Variants in ASB15 observed in about 807,000 individuals in gnomAD.
ASB15 encodes ankyrin repeat and SOCS box protein 15.
ASB15 carries 54 observed loss-of-function variants against 58.0 expected under a neutral mutation model. The observed-to-expected ratio is 0.93, with a 90% CI of 0.75 to 1.17. ASB15 has a LOEUF of 1.17. ASB15 is among the 50% of genes most tolerant of loss of function. The pLI is 0.00. For synonymous variants in ASB15, 249 were observed against 262.4 expected, an observed-to-expected ratio of 0.95 and a Z score of 0.50; for missense variants, 680 against 707.4, an observed-to-expected ratio of 0.96 and a Z score of 0.44.
intron 1 of ASB15, among the ~76,000 whole-genome samples, chr7:123,582,481 A>G (rs1461497042): frequency 1.3e-5 from 2 of 152,010 alleles, no homozygotes; most frequent in East Asian, 3.9e-4. Flanking sequence ...CAGTATATAC[A>G]TATATCCTAC....
chr7:123,608,836 A>C (rs183379920), intron 3 of ASB15, among the ~76,000 whole-genome samples, 182 bp downstream of exon 3: 4 of 152,308 alleles, frequency 2.6e-5, no homozygotes, highest in African/African-American at 9.6e-5. Context: ...CCAAATAAAA[A>C]GCAAAGTTAT....
chr7:123,594,185 T>C (rs765781743), intron 1 of ASB15, among the ~76,000 whole-genome samples: 1 of 152,104 alleles, frequency 6.6e-6, no homozygotes, highest in African/African-American at 2.4e-5. Context: ...TCCTCTAACC[T>C]TTTTTCAAGG....
rs1476253619 is a variant in ASB15 at position 123,629,329 on chromosome 7, C to A, written c.1335C>A (p.Cys445Ter). ...LLNNGYQVEM[C>*]FDCMHGDIFG... is the part of the protein sequence containing the mutation. Reference sequence around the variant, plus strand: ...ATAATGGCTATCAAGTGGAGATGTGCTTTGACTGCATGCATGGTGACATCT... The same window carrying A: ...ATAATGGCTATCAAGTGGAGATGTGATTTGACTGCATGCATGGTGACATCT... The change falls in exon 10 of 12, where the codon TGC (cysteine) becomes TGA (stop). Residue 445 changes from cysteine to a stop codon, truncating the protein, a stop_gained. Transcript: ENST00000451215. LOFTEE classifies it high-confidence loss of function. 6.2e-7 allele frequency: 1 copy of A among 1,613,870 alleles called. No homozygotes were observed. Among genetic ancestry groups the A allele is most frequent in the African/African-American group, 1.3e-5 (1 of 74,906 alleles).
intron 6 of ASB15, 59 bp from the exon 7 acceptor site, chr7:123,617,520 G>C: frequency 1.4e-6 from 2 of 1,434,790 alleles, no homozygotes; most frequent in Non-Finnish European, 1.9e-6. Flanking sequence ...GCTCTGATTT[G>C]TGTAATATCC....
intron 7 of ASB15, chr7:123,622,780 T>C (rs777201150): frequency 6.6e-6 from 1 of 152,180 alleles, no homozygotes; most frequent in Admixed American, 6.5e-5. Flanking sequence ...TAGCATGAGG[T>C]AATTCACTGT....
intron 10 of ASB15, 94 bp from the exon 11 acceptor site, chr7:123,629,872 T>C (rs1802027800): frequency 1.1e-6 from 1 of 896,804 alleles, no homozygotes; most frequent in Non-Finnish European, 1.7e-6. Context: ...TTATTTTCTG[T>C]AGTAAAACAG....
chr7:123,627,309 T>C (rs1801860818), intron 9 of ASB15, 28 bp downstream of exon 9: 1 of 1,573,324 alleles, frequency 6.4e-7, no homozygotes, highest in South Asian at 1.1e-5. Context: ...GGGTAATTAT[T>C]TGAGTTAAAA....
intron 1 of ASB15, among the ~76,000 whole-genome samples, chr7:123,574,109 A>T (rs1033312458): frequency 6.6e-6 from 1 of 152,128 alleles, no homozygotes; most frequent in East Asian, 1.9e-4. Context: ...TCCCCTTTGG[A>T]GTGCCACATT....
chr7:123,617,789 A>G (rs1379984476), intron 7 of ASB15, 52 bp downstream of exon 7: 1 of 1,516,234 alleles, frequency 6.6e-7, no homozygotes, highest in Non-Finnish European at 9.0e-7. Context: ...AAGAATAAGT[A>G]TTTATTGGAA....
intron 1 of ASB15, among the ~76,000 whole-genome samples, chr7:123,574,155 T>C (rs1798993257): frequency 6.6e-6 from 1 of 152,072 alleles, no homozygotes; most frequent in Admixed American, 6.5e-5. Context: ...ATTTTTGACA[T>C]CTCTTCTTTT....
At chr7:123,571,006 T>C (rs759341770) in intron 1 of ASB15, among the ~76,000 whole-genome samples, 1 of 152,216 alleles carries the variant, frequency 6.6e-6, no homozygotes, top group Non-Finnish European at 1.5e-5. Context: ...GACTAGGACA[T>C]CATTTCCTGA....
At chr7:123,614,389 G>T in intron 3 of ASB15, 112 bp from the exon 4 acceptor site, 1 of 664,578 alleles carries the variant, frequency 1.5e-6, no homozygotes, top group Non-Finnish European at 2.6e-6. Flanking sequence ...GTTAACTAGG[G>T]AAAGGAAAAT....
intron 11 of ASB15, among the ~76,000 whole-genome samples, chr7:123,632,994 G>T (rs1016046948): frequency 1.6e-4 from 24 of 152,158 alleles, no homozygotes; most frequent in African/African-American, 5.8e-4. Context: ...GTGAGGCAAG[G>T]ATGCTTACAC....
chr7:123,610,625 T>G (rs1800384514), intron 3 of ASB15, among the ~76,000 whole-genome samples: 1 of 152,170 alleles, frequency 6.6e-6, no homozygotes, highest in Non-Finnish European at 1.5e-5. Flanking sequence ...GCATGCAAAA[T>G]TTTGAGTGGA....
intron 7 of ASB15, among the ~76,000 whole-genome samples, chr7:123,618,219 C>T (rs936790976): frequency 6.6e-5 from 10 of 152,234 alleles, no homozygotes; most frequent in East Asian, 5.8e-4. Flanking sequence ...CACTGTGACA[C>T]GAGGGAAGAA....
At chr7:123,587,594 A>T (rs910908092) in intron 1 of ASB15, among the ~76,000 whole-genome samples, 11 of 151,586 alleles carry the variant, frequency 7.3e-5, no homozygotes, top group African/African-American at 2.4e-4. Flanking sequence ...AATAGAAGTG[A>T]CGAGAGAAGG....
chr7:123,592,439 T>C (rs933415358), intron 1 of ASB15, among the ~76,000 whole-genome samples: 2 of 152,242 alleles, frequency 1.3e-5, no homozygotes, highest in African/African-American at 4.8e-5. Context: ...TAAATTTCCC[T>C]CCACACACTG....
Position 123,637,035 on chromosome 7 carries a change from A to T in ASB15, c.*54A>T, listed in dbSNP as rs1802466200. The T allele has an allele frequency of 1.7e-5, 21 of 1,264,540 alleles. No individual in the cohort carries two copies. The allele number at this position is 1,264,540 out of a possible 1,614,324, so 78.3% of individuals were successfully genotyped here. A position where few individuals can be genotyped will look rare whatever the true frequency, so the allele number is the denominator to read the frequency against. ...AAATGTTGAAATGTGATTCCCTCAGATAATTTCTTGTAACCATTTTACATC... is the reference window on the plus strand; with the variant it reads ...AAATGTTGAAATGTGATTCCCTCAGTTAATTTCTTGTAACCATTTTACATC... On this transcript the variant is annotated 3_prime_UTR_variant, in exon 12 of 12. Coordinates refer to ENST00000451215, the MANE Select transcript of ASB15 (RefSeq NM_001290258.2).
chr7:123,630,613 T>C (rs753992716), intron 11 of ASB15, among the ~76,000 whole-genome samples: 3 of 152,184 alleles, frequency 2.0e-5, no homozygotes, highest in Non-Finnish European at 4.4e-5. Context: ...AGACAGGCCA[T>C]TTTGTCTTTT....
Sources: allele counts gnomAD v4.1 joint callset (sites outside exome capture counted in the v4.1 genomes callset), GRCh38; gene constraint gnomAD v4.1.1; transcripts MANE v1.5; gene names NCBI Gene and HGNC (gene_info 2026-07-23, HGNC 2026-07-21).